Variants in SUGCT observed in about 807,000 individuals in gnomAD.
The protein encoded by SUGCT is succinyl-CoA:glutarate CoA-transferase.
A neutral mutation model predicts 55.0 loss-of-function variants in SUGCT; 41 were observed. The observed-to-expected ratio is 0.74, with a 90% CI of 0.58 to 0.97. The LOEUF is 0.97. Among genes scored for constraint, SUGCT ranks in the 50% least tolerant of loss-of-function variants. SUGCT has a pLI of 0.00. For synonymous variants in SUGCT, 187 were observed against 200.4 expected (o/e 0.93, Z 0.56); for missense variants, 568 against 547.8 (o/e 1.04, Z -0.37).
At chr7:40,586,421 G>A (rs913558608) in intron 12 of SUGCT, among the ~76,000 whole-genome samples, 3 of 152,166 alleles carry the variant, frequency 2.0e-5, no homozygotes, top group Admixed American at 1.3e-4. Flanking sequence ...TGCCAGACTG[G>A]ATGATGCATG....
At chr7:40,256,222 C>G (rs1790802938) in intron 7 of SUGCT, among the ~76,000 whole-genome samples, 1 of 152,118 alleles carries the variant, frequency 6.6e-6, no homozygotes, top group Non-Finnish European at 1.5e-5. Flanking sequence ...TTTCCCCTGA[C>G]ATTTTTGGGT....
intron 7 of SUGCT, among the ~76,000 whole-genome samples, chr7:40,242,920 TATATATATATA>T (rs1789511718): frequency 5.4e-4 from 15 of 27,698 alleles, no homozygotes; most frequent in Non-Finnish European, 1.0e-3. Flanking sequence ...TATATATATA[TATATATATATA>T]TATTTTTTTT....
chr7:40,867,461 G>A, the SUGCT span, among the ~76,000 whole-genome samples: 1 of 151,968 alleles, frequency 6.6e-6, no homozygotes, highest in Non-Finnish European at 1.5e-5. Context: ...CCTATTTCCA[G>A]TTAAATTTCA....
intron 12 of SUGCT, among the ~76,000 whole-genome samples, chr7:40,699,261 T>G (rs1033179300): frequency 6.6e-6 from 1 of 152,120 alleles, no homozygotes; most frequent in Non-Finnish European, 1.5e-5. Flanking sequence ...TTGGGGACAC[T>G]GAGAAATATA....
chr7:40,633,035 G>A (rs1479574018), intron 12 of SUGCT, among the ~76,000 whole-genome samples: 1 of 152,144 alleles, frequency 6.6e-6, no homozygotes, highest in Non-Finnish European at 1.5e-5. Context: ...TATGTGCAAG[G>A]CACTATCCCT....
At chr7:40,448,327 C>G (rs914105447) in intron 9 of SUGCT, among the ~76,000 whole-genome samples, 1 of 148,128 alleles carries the variant, frequency 6.8e-6, no homozygotes. Flanking sequence ...AAACATAATG[C>G]TTTTTGCCTT....
At chr7:40,267,038 A>AAACC (rs201267701) in intron 7 of SUGCT, among the ~76,000 whole-genome samples, 1 of 97,216 alleles carries the variant, frequency 1.0e-5, no homozygotes, top group Admixed American at 1.1e-4. Flanking sequence ...ACAAACAAAC[A>AAACC]AAAAAAAAAA....
At chr7:40,444,428 AG>A (rs1379312043) in intron 9 of SUGCT, among the ~76,000 whole-genome samples, 4 of 152,082 alleles carry the variant, frequency 2.6e-5, no homozygotes, top group African/African-American at 9.7e-5. Context: ...CTCCTTGAAG[AG>A]GTCCTTCACA....
intron 11 of SUGCT, among the ~76,000 whole-genome samples, chr7:40,481,337 C>G (rs1791024891): frequency 6.6e-6 from 1 of 150,882 alleles, no homozygotes; most frequent in Admixed American, 6.6e-5. Flanking sequence ...GACCCTACCT[C>G]AAGAAAAGAT....
At chr7:40,418,581 A>T (rs1787134170) in intron 9 of SUGCT, among the ~76,000 whole-genome samples, 1 of 152,192 alleles carries the variant, frequency 6.6e-6, no homozygotes, top group Non-Finnish European at 1.5e-5. Flanking sequence ...TGGCCTGCAG[A>T]TGAGCAGACA....
At chr7:40,813,915 G>A (rs75535261) in intron 13 of SUGCT, among the ~76,000 whole-genome samples, 2,648 of 152,170 alleles carry the variant, frequency 0.017, 74 homozygotes, top group African/African-American at 0.06. Flanking sequence ...CTTGTCTAGT[G>A]GTAATGAATT....
intron 9 of SUGCT, among the ~76,000 whole-genome samples, chr7:40,354,452 A>G (rs1366898560): frequency 1.3e-5 from 2 of 152,222 alleles, no homozygotes; most frequent in Non-Finnish European, 2.9e-5. Flanking sequence ...AGCTGTGGTC[A>G]TGGAAGGACC....
At chr7:40,950,981 GT>G in the SUGCT span, among the ~76,000 whole-genome samples, 57,628 of 151,588 alleles carry the variant, frequency 0.38, 11,545 homozygotes, top group Admixed American at 0.49. Context: ...CATAAAATGA[GT>G]TAGGAAGGAT....
intron 12 of SUGCT, among the ~76,000 whole-genome samples, chr7:40,678,857 C>T (rs1248908908): frequency 1.3e-5 from 2 of 152,230 alleles, no homozygotes; most frequent in African/African-American, 2.4e-5. Context: ...TTAGAACAGT[C>T]CTTTCACTAC....
intron 12 of SUGCT, among the ~76,000 whole-genome samples, chr7:40,511,848 A>C (rs539085229): frequency 2.0e-5 from 3 of 152,186 alleles, no homozygotes; most frequent in Non-Finnish European, 2.9e-5. Flanking sequence ...CAAAAACATG[A>C]AAGAATGAGT....
At chr7:40,635,316 A>C (rs1254173328) in intron 12 of SUGCT, among the ~76,000 whole-genome samples, 2 of 152,108 alleles carry the variant, frequency 1.3e-5, no homozygotes, top group African/African-American at 4.8e-5. Flanking sequence ...AACAAAACAA[A>C]AAAAAACACA....
intron 7 of SUGCT, among the ~76,000 whole-genome samples, chr7:40,251,021 G>T (rs1334102931): frequency 6.6e-6 from 1 of 151,616 alleles, no homozygotes; most frequent in Non-Finnish European, 1.5e-5. Flanking sequence ...GTGGAGACGG[G>T]GGTTTCACCA....
chr7:40,190,451 T>C (rs1057198335), intron 5 of SUGCT, among the ~76,000 whole-genome samples: 1 of 152,174 alleles, frequency 6.6e-6, no homozygotes, highest in Non-Finnish European at 1.5e-5. Context: ...GGTTTCACCA[T>C]GTTGGCCAGG....
chr7:41,007,759 T>C, the SUGCT span, among the ~76,000 whole-genome samples: 1 of 142,426 alleles, frequency 7.0e-6, no homozygotes, highest in East Asian at 2.0e-4. Flanking sequence ...CATGAAAGCA[T>C]GGAATTTGCT....
Sources: allele counts gnomAD v4.1 joint callset (sites outside exome capture counted in the v4.1 genomes callset), GRCh38; gene constraint gnomAD v4.1.1; transcripts MANE v1.5; gene names NCBI Gene and HGNC (gene_info 2026-07-23, HGNC 2026-07-21).